The following ZNF821 variants were observed in gnomAD, a reference collection of about 807,000 sequenced individuals.
ZNF821 encodes the protein zinc finger protein 821.
A neutral mutation model predicts 44.3 loss-of-function variants in ZNF821; 16 were observed. The ratio of observed to expected loss-of-function variants is 0.36; its 90% CI spans 0.24 to 0.55. The LOEUF is 0.55. Among genes scored for constraint, ZNF821 ranks in the 20% least tolerant of loss-of-function variants. ZNF821 has a pLI of 0.86. For synonymous variants in ZNF821, 204 were observed against 197.6 expected (o/e 1.03, Z -0.27); for missense variants, 436 against 547.6 (o/e 0.80, Z 2.03).
At chr16:71,878,672 G>A (rs2036107996) in intron 3 of ZNF821, among the ~76,000 whole-genome samples, 2 of 151,950 alleles carry the variant, frequency 1.3e-5, no homozygotes, top group African/African-American at 2.4e-5. Flanking sequence ...GCTCATGCCT[G>A]TAATCCCAGC....
intron 6 of ZNF821, among the ~76,000 whole-genome samples, chr16:71,863,405 T>TTC (rs2142355277): frequency 7.1e-6 from 1 of 140,316 alleles, no homozygotes; most frequent in East Asian, 2.2e-4. Context: ...GAATCTCTTT[T>TTC]TTTTTTTTTT....
At chr16:71,892,049 T>C (rs1006350456) in intron 1 of ZNF821, among the ~76,000 whole-genome samples, 2 of 143,770 alleles carry the variant, frequency 1.4e-5, no homozygotes, top group African/African-American at 5.2e-5. Flanking sequence ...TGGATGCCTG[T>C]AATCCCAGCT....
At chr16:71,884,748 T>C (rs1371746901), upstream of ZNF821, 1 of 152,124 alleles carries the variant, frequency 6.6e-6, no homozygotes, top group Non-Finnish European at 1.5e-5. Context: ...TTTTCTGACA[T>C]GATTCTCAAC....
intron 2 of ZNF821, chr16:71,881,469 A>C (rs1160731027): frequency 1.3e-5 from 2 of 152,206 alleles, no homozygotes; most frequent in East Asian, 1.9e-4. Context: ...AAAACTCTAA[A>C]TGTATACAAT....
upstream of ZNF821, among the ~76,000 whole-genome samples, chr16:71,887,016 C>T (rs550651499): frequency 1.3e-4 from 20 of 152,342 alleles, no homozygotes; most frequent in African/African-American, 4.8e-4. Flanking sequence ...TATATCAGTA[C>T]TTAATTCCTT....
chr16:71,887,110 C>G (rs1306339153), upstream of ZNF821, among the ~76,000 whole-genome samples: 2 of 152,082 alleles, frequency 1.3e-5, no homozygotes, highest in Non-Finnish European at 2.9e-5. Flanking sequence ...TGGCTTGGGC[C>G]TACTTTTTGG....
intron 7 of ZNF821, 50 bp downstream of exon 7, chr16:71,861,726 C>G: frequency 6.2e-7 from 1 of 1,606,370 alleles, no homozygotes; most frequent in Non-Finnish European, 8.5e-7. Context: ...AAGCAGAACT[C>G]ACACCCAGTA....
At chr16:71,880,163 G>A in intron 2 of ZNF821, 140 bp from the exon 3 acceptor site, 1 of 446,532 alleles carries the variant, frequency 2.2e-6, no homozygotes. Flanking sequence ...ATGAAAGAAA[G>A]AAAGAAATGA....
Position 71,864,905 on chromosome 16 carries a change from C to T in ZNF821, c.310G>A (p.Glu104Lys), listed in dbSNP as rs776644514. ...PVGGNEVVEH[E>K]VTGNLNSDPL... ...ACCCAGGGGCCATCGTCACTTGCCT[C>T]GTGCTCTACCACTTCGTTCCCACCA... The change falls in exon 5 of 8, where the codon GAG becomes AAG. Residue 104 changes from glutamate to lysine, a missense_variant and splice_region_variant. By Grantham distance (56) the Glu-to-Lys change is moderately conservative. Around this residue, in one of 5 missense-constraint regions of ZNF821, gnomAD observed 238 missense variants for 281.4 expected, o/e 0.85. Transcript: ENST00000425432. 9.9e-6 allele frequency: 16 copies of T among 1,613,964 alleles called. No homozygotes were observed. The highest frequency in any genetic ancestry group is 1.6e-4 in the Middle Eastern group (1 of 6,076).
chr16:71,871,862 C>T (rs1381245502), intron 3 of ZNF821, among the ~76,000 whole-genome samples: 2 of 143,566 alleles, frequency 1.4e-5, no homozygotes, highest in Non-Finnish European at 1.5e-5. Context: ...CAGAGTTTTT[C>T]GCTCTGTCAC....
chr16:71,864,089 C>G, intron 6 of ZNF821, 49 bp downstream of exon 6: 2 of 1,539,204 alleles, frequency 1.3e-6, no homozygotes, highest in Admixed American at 1.7e-5. Context: ...GGGCTACAGA[C>G]AAGCTGCCCA....
chr16:71,886,019 A>G (rs2036841532), upstream of ZNF821, among the ~76,000 whole-genome samples: 1 of 152,208 alleles, frequency 6.6e-6, no homozygotes, highest in Non-Finnish European at 1.5e-5. Flanking sequence ...CTTAGTTGAC[A>G]TTTTCAACAG....
Position 71,860,856 on chromosome 16 carries a change from CT to C in ZNF821, c.585-185del, listed in dbSNP as rs36005705. On this transcript the variant is annotated intron_variant, in intron 7 of 7. Transcript: ENST00000425432. The surrounding 1 kb of genome is among the most constrained non-coding windows in gnomAD (Gnocchi z 7.3). ...TCTTCGCGTGAGAGTTGTCTACCAA[CT>C]TTTTTTTTTTTTTTTTGAGACAGAG... is the stretch of plus-strand genomic sequence containing the variant. 2.7e-3 allele frequency among the ~76,000 whole-genome samples: 373 copies of C among 135,930 alleles called. 2 individuals are homozygous for C. Among genetic ancestry groups the C allele is most frequent in the Middle Eastern group, 0.012 (3 of 260 alleles). The allele number at this position is 135,930 out of a possible 152,430, so 89.2% of individuals were successfully genotyped here. A position where few individuals can be genotyped will look rare whatever the true frequency, so the allele number is the denominator to read the frequency against.
Position 71,860,042 on chromosome 16 carries a change from C to G in ZNF821, c.1215G>C (p.Glu405Asp). 6.2e-7 allele frequency: 1 copy of G among 1,610,630 alleles called. No homozygotes were observed. The highest frequency in any genetic ancestry group is 1.1e-5 in the South Asian group (1 of 90,480). Residue 405 changes from glutamate to aspartate, a missense_variant, in exon 8 of 8, where the codon GAG becomes GAC. By Grantham distance (45) the Glu-to-Asp change is conservative. This residue lies in a region of ZNF821 where 55 missense variants were observed against 56.9 expected (regional missense o/e 0.97). Coordinates refer to ENST00000425432, the MANE Select transcript of ZNF821 (RefSeq NM_001201552.2). The surrounding 1 kb of genome is among the most constrained non-coding windows in gnomAD (Gnocchi z 7.3). ...TTCAGTGCAGAGAGCTGCTGTTCTG[C>G]TCTTCAAAGGCCATCTTGCCCAGAA... ...SQLLGKMAFE[E>D]QNSSSLH is the part of the protein sequence containing the mutation.
At chr16:71,889,445 C>T (rs2036874360), upstream of ZNF821, among the ~76,000 whole-genome samples, 1 of 151,862 alleles carries the variant, frequency 6.6e-6, no homozygotes, top group South Asian at 2.1e-4. Flanking sequence ...GGCTGAGGTG[C>T]ATGGATCACT....
intron 3 of ZNF821, among the ~76,000 whole-genome samples, chr16:71,872,594 C>A (rs2035336483): frequency 6.6e-6 from 1 of 152,012 alleles, no homozygotes; most frequent in Non-Finnish European, 1.5e-5. Context: ...GCCTGGGCGA[C>A]AGAGCGAGAC....
chr16:71,868,977 T>A (rs556274525), intron 3 of ZNF821, among the ~76,000 whole-genome samples: 5 of 152,106 alleles, frequency 3.3e-5, no homozygotes, highest in African/African-American at 7.2e-5. Context: ...AGTTTTTTTT[T>A]AAATGTAGTA....
chr16:71,867,195 C>G (rs2034641268), intron 4 of ZNF821, among the ~76,000 whole-genome samples: 1 of 152,204 alleles, frequency 6.6e-6, no homozygotes, highest in Admixed American at 6.5e-5. Flanking sequence ...GGCCTTCAAG[C>G]AAGGTTTCAT....
chr16:71,874,621 T>C (rs1319828003), intron 3 of ZNF821, among the ~76,000 whole-genome samples: 1 of 151,966 alleles, frequency 6.6e-6, no homozygotes, highest in East Asian at 1.9e-4. Flanking sequence ...GCCCAGCTAT[T>C]TTTTTGGATT....
Sources: gnomAD v4.1 joint callset for allele counts (sites outside exome capture counted in the v4.1 genomes callset) on GRCh38, gnomAD v4.1.1 for gene constraint, gnomAD v4.1.1 regional missense constraint, Gnocchi (gnomAD v3.1) non-coding constraint, MANE v1.5 for transcripts, NCBI Gene and HGNC (gene_info 2026-07-23, HGNC 2026-07-21) for gene names.